Variants in KIAA1217 observed in about 807,000 individuals in gnomAD.
KIAA1217 encodes sickle tail protein homolog.
KIAA1217 carries 88 observed loss-of-function variants against 163.9 expected under a neutral mutation model. The observed-to-expected ratio is 0.54, with a 90% CI of 0.45 to 0.64. The LOEUF (loss-of-function observed/expected upper bound fraction) is 0.64, where lower values mean the gene tolerates loss of function less well. KIAA1217 is among the 30% of genes least tolerant of loss of function. KIAA1217 has a pLI of 0.00. For synonymous variants in KIAA1217, 903 were observed against 923.1 expected, an observed-to-expected ratio of 0.98 and a Z score of 0.39; for missense variants, 2,372 against 2,475.0, an observed-to-expected ratio of 0.96 and a Z score of 0.88.
intron 2 of KIAA1217, among the ~76,000 whole-genome samples, chr10:24,308,712 A>G (rs1365656089): frequency 4.6e-5 from 7 of 152,144 alleles, no homozygotes; most frequent in African/African-American, 1.2e-4. Context: ...AGGCTCCAAC[A>G]TAAGTTCTTG....
At chr10:24,451,046 C>T (rs898087610) in intron 5 of KIAA1217, among the ~76,000 whole-genome samples, 3 of 152,124 alleles carry the variant, frequency 2.0e-5, no homozygotes, top group African/African-American at 7.2e-5. Flanking sequence ...TATCCAGGGA[C>T]CTGGTTACAA....
chr10:23,976,289 T>A (rs1055298773), intron 1 of KIAA1217, among the ~76,000 whole-genome samples: 2 of 152,224 alleles, frequency 1.3e-5, no homozygotes, highest in African/African-American at 4.8e-5. Flanking sequence ...CATTCCAGAC[T>A]GCCCTTCTTC....
At chr10:24,200,070 A>G (rs1003827617) in intron 2 of KIAA1217, among the ~76,000 whole-genome samples, 2 of 152,064 alleles carry the variant, frequency 1.3e-5, no homozygotes, top group African/African-American at 2.4e-5. Flanking sequence ...CCAGGCTTCA[A>G]TGTCTCCACT....
chr10:23,767,064 A>G (rs1356357691), intron 1 of KIAA1217, among the ~76,000 whole-genome samples: 1 of 152,180 alleles, frequency 6.6e-6, no homozygotes, highest in Non-Finnish European at 1.5e-5. Flanking sequence ...TTCTATGGGG[A>G]CACAGAGAAA....
intron 2 of KIAA1217, among the ~76,000 whole-genome samples, chr10:24,220,212 A>T (rs919052747): frequency 6.6e-6 from 1 of 152,130 alleles, no homozygotes; most frequent in East Asian, 1.9e-4. Flanking sequence ...ACACATCTAA[A>T]CACATCTAAA....
chr10:24,496,908 G>GAC (rs1343219485), intron 8 of KIAA1217, among the ~76,000 whole-genome samples: 1 of 152,236 alleles, frequency 6.6e-6, no homozygotes, highest in Non-Finnish European at 1.5e-5. Context: ...GGTCCAAAGG[G>GAC]ACAGTTCAGT....
At chr10:23,745,566 A>G (rs1357919456) in intron 1 of KIAA1217, among the ~76,000 whole-genome samples, 1 of 152,226 alleles carries the variant, frequency 6.6e-6, no homozygotes, top group Non-Finnish European at 1.5e-5. Flanking sequence ...CCAAGTGAGA[A>G]AGCTAATGAA....
chr10:23,922,995 T>C (rs1168571407), intron 1 of KIAA1217, among the ~76,000 whole-genome samples: 1 of 152,174 alleles, frequency 6.6e-6, no homozygotes, highest in East Asian at 1.9e-4. Context: ...TTTAGTTACA[T>C]GGATAAGTTC....
intron 7 of KIAA1217, 73 bp from the exon 8 acceptor site, chr10:24,495,074 G>A (rs2066618436): frequency 8.1e-7 from 1 of 1,236,502 alleles, no homozygotes; most frequent in East Asian, 2.4e-5. Context: ...AATAGTGGAT[G>A]GAATGGGCTT....
intron 1 of KIAA1217, among the ~76,000 whole-genome samples, chr10:23,780,325 T>C (rs1352867642): frequency 1.3e-5 from 2 of 152,102 alleles, no homozygotes; most frequent in Non-Finnish European, 2.9e-5. Flanking sequence ...TGCATGACAA[T>C]ATTATTAACT....
chr10:23,791,600 G>A (rs1430880759), intron 1 of KIAA1217, among the ~76,000 whole-genome samples: 2 of 152,086 alleles, frequency 1.3e-5, no homozygotes, highest in African/African-American at 4.8e-5. Flanking sequence ...TTGCTTTATA[G>A]TTTAAGTACC....
rs1310019639 is a variant in KIAA1217, at chr10:24,546,520, A to G, written c.*196A>G. Reference sequence around the variant, plus strand: ...TTGGTTTTCTTTTTACCTAGTTGCTATAGTGTCTACAGTCTATACTCAATA... The same window carrying G: ...TTGGTTTTCTTTTTACCTAGTTGCTGTAGTGTCTACAGTCTATACTCAATA... On this transcript the variant is annotated 3_prime_UTR_variant, in exon 21 of 21. Transcript: ENST00000376454. 9.8e-6 allele frequency: 6 copies of G among 614,252 alleles called. No homozygotes were observed. The highest frequency in any genetic ancestry group is 1.8e-5 in the African/African-American group (1 of 54,136). The allele number at this position is 614,252 out of a possible 1,614,324, so 38.1% of individuals were successfully genotyped here.
At position 24,179,288 on chromosome 10, in the gene KIAA1217, A is replaced by G. The variant is rs1254615418; in HGVS notation, c.-170-40338A>G. Among the ~76,000 whole-genome samples the G allele has an allele frequency of 2.0e-5, 3 of 152,310 alleles. No homozygotes were observed. In the East Asian group the frequency reaches 5.8e-4, roughly 29 times the overall value. On this transcript the variant is annotated intron_variant, in intron 2 of 18. Transcript: ENST00000376462. The stretch of plus-strand genomic sequence containing the variant: ...AATTTTAATCCCTAATATTGGAGGT[A>G]GGGCTTGGTGGGAGGTGATTGGATC...
At chr10:24,230,978 TC>T (rs2071327523) in intron 2 of KIAA1217, among the ~76,000 whole-genome samples, 1 of 152,096 alleles carries the variant, frequency 6.6e-6, no homozygotes, top group African/African-American at 2.4e-5. Context: ...AGACCACCTC[TC>T]TGATGGGGGA....
intron 1 of KIAA1217, among the ~76,000 whole-genome samples, chr10:23,789,397 A>G (rs1185072208): frequency 1.3e-5 from 2 of 152,238 alleles, no homozygotes; most frequent in East Asian, 3.8e-4. Context: ...ATCTGCCATG[A>G]ACGCAGGCTC....
chr10:24,458,040 G>T (rs181121117), intron 5 of KIAA1217, among the ~76,000 whole-genome samples: 24 of 152,334 alleles, frequency 1.6e-4, no homozygotes, highest in Non-Finnish European at 3.4e-4. Flanking sequence ...TCAGAGCCTG[G>T]TGGGGAAGAA....
intron 1 of KIAA1217, among the ~76,000 whole-genome samples, chr10:23,712,098 G>T (rs1191128324): frequency 6.6e-6 from 1 of 152,134 alleles, no homozygotes; most frequent in African/African-American, 2.4e-5. Flanking sequence ...AGGCAAGGAA[G>T]AAATGTAGTT....
intron 1 of KIAA1217, among the ~76,000 whole-genome samples, chr10:23,808,629 G>T (rs1278129824): frequency 2.6e-5 from 4 of 151,470 alleles, no homozygotes; most frequent in East Asian, 1.9e-4. Flanking sequence ...AAATGATGGA[G>T]AATTCAATAA....
intron 1 of KIAA1217, among the ~76,000 whole-genome samples, chr10:23,985,219 C>G (rs1845922789): frequency 6.6e-6 from 1 of 152,144 alleles, no homozygotes; most frequent in African/African-American, 2.4e-5. Flanking sequence ...ATACAATGCC[C>G]TTTAGTAGAC....
Sources: allele counts gnomAD v4.1 joint callset (sites outside exome capture counted in the v4.1 genomes callset), GRCh38; gene constraint gnomAD v4.1.1; transcripts MANE v1.5; gene names NCBI Gene and HGNC (gene_info 2026-07-23, HGNC 2026-07-21).